The following HS3ST4 variants were observed in gnomAD, a reference collection of about 807,000 sequenced individuals.
HS3ST4 encodes heparan sulfate glucosamine 3-O-sulfotransferase 4.
In HS3ST4, 17 loss-of-function variants were observed where a neutral mutation model predicts 29.2. The observed-to-expected ratio is 0.58, with a 90% confidence interval of 0.40 to 0.87. The LOEUF is 0.87. Among genes scored for constraint, HS3ST4 ranks in the 40% least tolerant of loss-of-function variants. The pLI is 0.00. For missense variants in HS3ST4, 627 were observed against 634.5 expected (o/e 0.99, Z 0.13); for synonymous variants, 314 against 285.7 (o/e 1.10, Z -1.00).
intron 1 of HS3ST4, among the ~76,000 whole-genome samples, chr16:25,719,462 C>T (rs1413992624): frequency 6.6e-6 from 1 of 152,226 alleles, no homozygotes; most frequent in Non-Finnish European, 1.5e-5. Context: ...ACTTAATGAA[C>T]AGTGACTTAG....
rs958713046 is a variant in HS3ST4 at position 25,692,379 on chromosome 16, T to TGCCGCCGCCGCCGCC, written c.-30_-16dup. 2 of 465,340 alleles carry TGCCGCCGCCGCCGCC rather than the reference T, an allele frequency of 4.3e-6. No individual in the cohort carries two copies. Among genetic ancestry groups the TGCCGCCGCCGCCGCC allele is most frequent in the African/African-American group, 4.6e-5 (2 of 43,190 alleles). The allele number at this position is 465,340 out of a possible 1,614,324, so 28.8% of individuals were successfully genotyped here. On this transcript the variant is annotated 5_prime_UTR_variant, in exon 1 of 2. Transcript: ENST00000331351. ...ACCATGTCCGGGCAGCGCCGGGGGC[T>TGCCGCCGCCGCCGCC]GCCGCCGCCGCCGCCGCCGCCGCGA... is the stretch of plus-strand genomic sequence containing the variant.
chr16:25,978,942 G>GTTTTTTTT (rs34078514), intron 1 of HS3ST4, among the ~76,000 whole-genome samples: 1 of 132,282 alleles, frequency 7.6e-6, no homozygotes, highest in Admixed American at 8.1e-5. Flanking sequence ...TTCTCTTTTT[G>GTTTTTTTT]TTTTTTTTTT....
chr16:25,973,970 A>C (rs917652289), intron 1 of HS3ST4, among the ~76,000 whole-genome samples: 5 of 152,184 alleles, frequency 3.3e-5, no homozygotes, highest in Non-Finnish European at 5.9e-5. Flanking sequence ...GAGTAAAATA[A>C]ATGTCTGTAC....
chr16:25,782,408 C>T (rs1049075593), intron 1 of HS3ST4, among the ~76,000 whole-genome samples: 5 of 152,214 alleles, frequency 3.3e-5, no homozygotes, highest in African/African-American at 9.6e-5. Flanking sequence ...CTCCTTCCCC[C>T]AAGTTGTCTT....
intron 1 of HS3ST4, among the ~76,000 whole-genome samples, chr16:25,917,593 T>C (rs1408229029): frequency 2.0e-5 from 3 of 152,198 alleles, no homozygotes; most frequent in Non-Finnish European, 4.4e-5. Context: ...AGTGTGTTTT[T>C]CTATTGTATG....
At chr16:25,760,109 CCTAACCCTAACCCTAACCCTAACT>C (rs886099852) in intron 1 of HS3ST4, among the ~76,000 whole-genome samples, 2 of 151,968 alleles carry the variant, frequency 1.3e-5, no homozygotes, top group East Asian at 1.9e-4. Context: ...TAGCCCTAAC[CCTAACCCTAACCCTAACCCTAACT>C]CTAACCCTAA....
intron 1 of HS3ST4, among the ~76,000 whole-genome samples, chr16:26,081,124 TA>T (rs1340904264): frequency 6.6e-6 from 1 of 151,976 alleles, no homozygotes; most frequent in Non-Finnish European, 1.5e-5. Flanking sequence ...CCATCTCTAC[TA>T]AAAATACAAA....
At chr16:26,100,620 A>G (rs1176439282) in intron 1 of HS3ST4, among the ~76,000 whole-genome samples, 1 of 152,178 alleles carries the variant, frequency 6.6e-6, no homozygotes, top group African/African-American at 2.4e-5. Flanking sequence ...TCCATGGGGC[A>G]ACTCTCTGAT....
intron 1 of HS3ST4, among the ~76,000 whole-genome samples, chr16:25,730,303 G>A (rs1966562192): frequency 6.6e-6 from 1 of 151,920 alleles, no homozygotes; most frequent in Non-Finnish European, 1.5e-5. Context: ...CAGCTCCTTG[G>A]GTTGTTTTCT....
chr16:26,100,285 C>A (rs751861113), intron 1 of HS3ST4, among the ~76,000 whole-genome samples: 1 of 152,040 alleles, frequency 6.6e-6, no homozygotes, highest in Non-Finnish European at 1.5e-5. Flanking sequence ...CCTCCTGGAT[C>A]TAAAATAAAA....
intron 1 of HS3ST4, among the ~76,000 whole-genome samples, chr16:25,717,661 A>T (rs1164445103): frequency 6.6e-6 from 1 of 152,052 alleles, no homozygotes; most frequent in African/African-American, 2.4e-5. Flanking sequence ...TCTGGGAGAC[A>T]CGGAGAAGGA....
chr16:26,099,839 A>G (rs1898971256), intron 1 of HS3ST4, among the ~76,000 whole-genome samples: 1 of 152,126 alleles, frequency 6.6e-6, no homozygotes, highest in Admixed American at 6.5e-5. Context: ...ACACCTGCAC[A>G]TATCAGTGGT....
chr16:25,728,673 C>T (rs569827772), intron 1 of HS3ST4, among the ~76,000 whole-genome samples: 31 of 152,262 alleles, frequency 2.0e-4, no homozygotes, highest in African/African-American at 7.5e-4. Context: ...AATACGGAAT[C>T]AGAGACTCGG....
intron 1 of HS3ST4, among the ~76,000 whole-genome samples, chr16:25,733,510 G>C (rs560601262): frequency 6.6e-6 from 1 of 152,162 alleles, no homozygotes; most frequent in Admixed American, 6.5e-5. Context: ...AATTATCTTG[G>C]TTCAGAAGGA....
At chr16:26,083,433 A>C (rs1331986830) in intron 1 of HS3ST4, among the ~76,000 whole-genome samples, 1 of 152,172 alleles carries the variant, frequency 6.6e-6, no homozygotes, top group African/African-American at 2.4e-5. Flanking sequence ...TATCAAAGGC[A>C]TCTGAAGCAC....
chr16:25,814,770 A>G (rs1347780807), intron 1 of HS3ST4, among the ~76,000 whole-genome samples: 1 of 152,188 alleles, frequency 6.6e-6, no homozygotes, highest in East Asian at 1.9e-4. Flanking sequence ...CATCTTTTCC[A>G]CAGCTACAAG....
chr16:25,971,613 G>A (rs1596631235), intron 1 of HS3ST4, among the ~76,000 whole-genome samples: 1 of 152,228 alleles, frequency 6.6e-6, no homozygotes, highest in East Asian at 1.9e-4. Context: ...TGTTATTATT[G>A]TAGCATTAAT....
At chr16:25,782,100 A>G (rs1383553871) in intron 1 of HS3ST4, among the ~76,000 whole-genome samples, 2 of 152,180 alleles carry the variant, frequency 1.3e-5, no homozygotes, top group Non-Finnish European at 2.9e-5. Context: ...CCTTCTTCAC[A>G]AGGCGGCAGG....
Position 26,022,385 on chromosome 16 carries a change from G to A in HS3ST4, c.735-113227G>A, listed in dbSNP as rs529220442. On this transcript the variant is annotated intron_variant, in intron 1 of 1. Transcript: ENST00000331351. ...ATTTGTATTGGTTCACTCTTCATCT[G>A]CAATTACATAGTGGACACTTACTGA... Among the ~76,000 whole-genome samples the A allele has an allele frequency of 1.4e-4, 21 of 152,254 alleles. No individual in the cohort carries two copies. The South Asian group carries it at 3.1e-3, about 23-fold the overall frequency.
Sources: allele counts gnomAD v4.1 joint callset (sites outside exome capture counted in the v4.1 genomes callset), GRCh38; gene constraint gnomAD v4.1.1; transcripts MANE v1.5; gene names NCBI Gene and HGNC (gene_info 2026-07-23, HGNC 2026-07-21).